The following LRP1B variants were observed in gnomAD, a reference collection of about 807,000 sequenced individuals.
The protein encoded by LRP1B is LDL receptor related protein 1B.
In LRP1B, 217 loss-of-function variants were observed where a neutral mutation model predicts 556.6. The ratio of observed to expected loss-of-function variants is 0.39; its 90% CI spans 0.35 to 0.44. LRP1B has a LOEUF of 0.44. Among genes scored for constraint, LRP1B ranks in the 20% least tolerant of loss-of-function variants. LRP1B has a pLI of 1.00. For missense variants in LRP1B, 5,053 were observed against 5,620.8 expected, an observed-to-expected ratio of 0.90 and a Z score of 3.23; for synonymous variants, 2,047 against 1,865.8, an observed-to-expected ratio of 1.10 and a Z score of -2.50.
intron 2 of LRP1B, among the ~76,000 whole-genome samples, chr2:141,508,504 T>C (rs892245224): frequency 6.6e-6 from 1 of 152,286 alleles, no homozygotes; most frequent in Non-Finnish European, 1.5e-5. Context: ...ACACTTAGCC[T>C]AGCTAGGGAA....
intron 48 of LRP1B, 96 bp from the exon 49 acceptor site, chr2:140,526,089 T>C (rs1159777506): frequency 2.9e-5 from 41 of 1,403,776 alleles, no homozygotes; most frequent in Non-Finnish European, 3.9e-5. Flanking sequence ...TTAACTTCAT[T>C]TGAGGAAATA....
At chr2:142,033,411 C>G (rs528561710) in intron 1 of LRP1B, among the ~76,000 whole-genome samples, 3 of 151,640 alleles carry the variant, frequency 2.0e-5, no homozygotes, top group Non-Finnish European at 4.4e-5. Context: ...CACCTAATTG[C>G]AGACATCTAC....
At chr2:140,769,408 T>TGA in intron 34 of LRP1B, 64 bp from the exon 35 acceptor site, 1 of 1,414,658 alleles carries the variant, frequency 7.1e-7, no homozygotes, top group Non-Finnish European at 9.5e-7. Context: ...AAAATACAAA[T>TGA]AATTTCATTT....
At chr2:140,921,796 T>A (rs1694743051) in intron 21 of LRP1B, among the ~76,000 whole-genome samples, 1 of 152,052 alleles carries the variant, frequency 6.6e-6, no homozygotes. Context: ...TCTTTTTTCT[T>A]ATTGGAATAT....
At chr2:141,043,611 T>A (rs1698773033) in intron 11 of LRP1B, among the ~76,000 whole-genome samples, 1 of 152,022 alleles carries the variant, frequency 6.6e-6, no homozygotes, top group South Asian at 2.1e-4. Context: ...TTTTAATACT[T>A]TAAAAATATG....
At chr2:141,121,871 C>T (rs1049563353) in intron 7 of LRP1B, among the ~76,000 whole-genome samples, 1 of 152,138 alleles carries the variant, frequency 6.6e-6, no homozygotes, top group Non-Finnish European at 1.5e-5. Flanking sequence ...GCTACAGTAA[C>T]CAAAACAGCA....
intron 41 of LRP1B, among the ~76,000 whole-genome samples, chr2:140,604,128 T>C (rs1429715837): frequency 6.6e-6 from 1 of 151,000 alleles, no homozygotes; most frequent in Non-Finnish European, 1.5e-5. Flanking sequence ...AGTAAATCAA[T>C]ACAGGGCTAA....
At chr2:142,096,396 A>C (rs1405295089) in intron 1 of LRP1B, among the ~76,000 whole-genome samples, 4 of 151,620 alleles carry the variant, frequency 2.6e-5, no homozygotes, top group Non-Finnish European at 5.9e-5. Flanking sequence ...AGCAAGGTAA[A>C]GCTGTCACTT....
intron 29 of LRP1B, among the ~76,000 whole-genome samples, chr2:140,842,572 C>A (rs180705268): frequency 1.3e-5 from 2 of 151,858 alleles, no homozygotes; most frequent in African/African-American, 4.8e-5. Flanking sequence ...CTTCACATTT[C>A]TTCTTATTTT....
chr2:140,237,469 G>T (rs1448502297), intron 89 of LRP1B, among the ~76,000 whole-genome samples: 1 of 150,726 alleles, frequency 6.6e-6, no homozygotes, highest in African/African-American at 2.4e-5. Flanking sequence ...TCTCTTCAAT[G>T]TACTGATTTC....
intron 86 of LRP1B, among the ~76,000 whole-genome samples, chr2:140,265,113 T>C (rs541091769): frequency 1.3e-5 from 2 of 152,150 alleles, no homozygotes; most frequent in South Asian, 2.1e-4. Flanking sequence ...AAAAAACCCT[T>C]AAATTCAATG....
At chr2:141,105,664 T>C (rs12623287) in intron 7 of LRP1B, among the ~76,000 whole-genome samples, 34,951 of 151,752 alleles carry the variant, frequency 0.23, 4,603 homozygotes, top group East Asian at 0.51. Flanking sequence ...GGAAAAGTCA[T>C]TGGATTCTTT....
chr2:141,426,118 C>T (rs1290508228), intron 3 of LRP1B, among the ~76,000 whole-genome samples: 1 of 152,006 alleles, frequency 6.6e-6, no homozygotes, highest in African/African-American at 2.4e-5. Flanking sequence ...GGAAGGGATC[C>T]AGTTTCAGCT....
intron 3 of LRP1B, among the ~76,000 whole-genome samples, chr2:141,327,720 C>T (rs1457721240): frequency 6.6e-6 from 1 of 152,088 alleles, no homozygotes; most frequent in Non-Finnish European, 1.5e-5. Flanking sequence ...GTATAGTCTG[C>T]CTTTTCCTCT....
At chr2:140,820,701 A>C (rs893756987) in intron 31 of LRP1B, among the ~76,000 whole-genome samples, 1 of 152,196 alleles carries the variant, frequency 6.6e-6, no homozygotes, top group Non-Finnish European at 1.5e-5. Context: ...AAAATAGAAC[A>C]AAATATTTTT....
intron 1 of LRP1B, among the ~76,000 whole-genome samples, chr2:142,010,826 G>C (rs1225022846): frequency 6.6e-6 from 1 of 152,132 alleles, no homozygotes; most frequent in East Asian, 1.9e-4. Context: ...CTTATGCAGG[G>C]AAAGAAGGCG....
chr2:141,114,330 G>T (rs916895966), intron 7 of LRP1B, among the ~76,000 whole-genome samples: 4 of 152,132 alleles, frequency 2.6e-5, no homozygotes, highest in Non-Finnish European at 5.9e-5. Flanking sequence ...CTGCTCTCTT[G>T]GTACCCAGGT....
At chr2:141,617,119 C>T (rs572974291) in intron 2 of LRP1B, among the ~76,000 whole-genome samples, 1 of 152,236 alleles carries the variant, frequency 6.6e-6, no homozygotes, top group African/African-American at 2.4e-5. Context: ...AAATAGCTTA[C>T]TGTATTTTGA....
At chr2:140,473,143 G>A (rs1687837418) in intron 60 of LRP1B, among the ~76,000 whole-genome samples, 1 of 151,940 alleles carries the variant, frequency 6.6e-6, no homozygotes, top group Non-Finnish European at 1.5e-5. Flanking sequence ...GTTGATGGTA[G>A]AGTTGGCATA....
Sources: gnomAD v4.1 joint callset for allele counts (sites outside exome capture counted in the v4.1 genomes callset) on GRCh38, gnomAD v4.1.1 for gene constraint, MANE v1.5 for transcripts, NCBI Gene and HGNC (gene_info 2026-07-23, HGNC 2026-07-21) for gene names.